Variants in ADGRL3 observed in about 807,000 individuals in gnomAD.
ADGRL3 encodes the protein calcium-independent alpha-latrotoxin receptor 3.
In ADGRL3, 62 loss-of-function variants were observed where a neutral mutation model predicts 153.5. The observed-to-expected ratio is 0.40, with a 90% confidence interval of 0.33 to 0.50. ADGRL3 has a LOEUF of 0.50. Ranked by LOEUF, ADGRL3 falls within the 20% of genes least tolerant of loss-of-function variation. ADGRL3 has a pLI of 0.47. For synonymous variants in ADGRL3, 710 were observed against 672.5 expected (o/e 1.06, Z -0.86); for missense variants, 1,641 against 1,859.4 (o/e 0.88, Z 2.16).
At chr4:61,765,353 G>A (rs1417240881) in intron 8 of ADGRL3, among the ~76,000 whole-genome samples, 4 of 152,114 alleles carry the variant, frequency 2.6e-5, no homozygotes, top group African/African-American at 9.7e-5. Context: ...GAGCTTAAAT[G>A]GGCTGTACCC....
At chr4:61,898,743 T>A (rs980878813) in intron 11 of ADGRL3, among the ~76,000 whole-genome samples, 1 of 151,930 alleles carries the variant, frequency 6.6e-6, no homozygotes. Flanking sequence ...CTCAGCTTCC[T>A]GAAGCTGGGA....
chr4:61,315,547 C>T (rs926291625), intron 1 of ADGRL3, among the ~76,000 whole-genome samples: 8 of 152,070 alleles, frequency 5.3e-5, no homozygotes, highest in Admixed American at 2.6e-4. Context: ...GTATAGCTCA[C>T]GTGATCCTGG....
intron 5 of ADGRL3, among the ~76,000 whole-genome samples, chr4:61,655,320 A>G (rs945584032): frequency 2.4e-4 from 36 of 152,192 alleles, no homozygotes; most frequent in Admixed American, 3.9e-4. Context: ...TAACGGATAC[A>G]AGCCTGCCTC....
At chr4:62,051,336 G>A (rs1317909001) in intron 25 of ADGRL3, among the ~76,000 whole-genome samples, 1 of 151,408 alleles carries the variant, frequency 6.6e-6, no homozygotes, top group Non-Finnish European at 1.5e-5. Flanking sequence ...GAGATGCTGA[G>A]TCAGATAATT....
chr4:61,470,704 G>A (rs1280447526), intron 2 of ADGRL3, among the ~76,000 whole-genome samples: 1 of 151,708 alleles, frequency 6.6e-6, no homozygotes, highest in Admixed American at 6.6e-5. Context: ...CTGTGCTATG[G>A]TACAATTAAG....
At position 61,512,262 on chromosome 4, in the gene ADGRL3, C is replaced by T. The variant is rs545688043; in HGVS notation, c.56-5053C>T. Among the ~76,000 whole-genome samples the T allele has an allele frequency of 5.9e-5, 9 of 152,240 alleles. No homozygotes were observed. In the East Asian group the frequency reaches 1.7e-3, roughly 29 times the overall value. On this transcript the variant is annotated intron_variant, in intron 3 of 26. Coordinates refer to ENST00000683033, the MANE Select transcript of ADGRL3 (RefSeq NM_001387552.1). ...AGCTAAAGAGTTTTGTACATAATAGCTCAGTGAATACTCATAACAATCCAA... is the reference window on the plus strand; with the variant it reads ...AGCTAAAGAGTTTTGTACATAATAGTTCAGTGAATACTCATAACAATCCAA...
At chr4:61,523,620 T>C (rs1404856690) in intron 4 of ADGRL3, among the ~76,000 whole-genome samples, 1 of 152,144 alleles carries the variant, frequency 6.6e-6, no homozygotes, top group South Asian at 2.1e-4. Flanking sequence ...GGGAAATAGG[T>C]CAGTTATTGA....
chr4:61,610,156 T>C (rs1231690653), intron 5 of ADGRL3, among the ~76,000 whole-genome samples: 1 of 151,344 alleles, frequency 6.6e-6, no homozygotes, highest in African/African-American at 2.4e-5. Flanking sequence ...TATATATATA[T>C]ACTTCTTATA....
intron 8 of ADGRL3, chr4:61,775,538 C>T: frequency 1.3e-6 from 1 of 784,368 alleles, no homozygotes; most frequent in Non-Finnish European, 2.3e-6. Context: ...CTGCAACCAA[C>T]CACTTTATGA....
intron 1 of ADGRL3, among the ~76,000 whole-genome samples, chr4:61,371,187 T>C (rs918462849): frequency 6.6e-6 from 1 of 151,512 alleles, no homozygotes; most frequent in African/African-American, 2.4e-5. Context: ...TTTATCCAAT[T>C]TGCCAGTCTG....
intron 8 of ADGRL3, among the ~76,000 whole-genome samples, chr4:61,752,988 C>G (rs1438492272): frequency 1.3e-5 from 2 of 152,004 alleles, no homozygotes; most frequent in Non-Finnish European, 2.9e-5. Flanking sequence ...GTATTGTGTA[C>G]TGAACCTATT....
intron 1 of ADGRL3, among the ~76,000 whole-genome samples, chr4:61,264,702 G>C (rs957009836): frequency 3.3e-5 from 5 of 151,986 alleles, no homozygotes; most frequent in African/African-American, 1.2e-4. Context: ...TAATAAAGTA[G>C]AGAATTGTCA....
chr4:61,991,577 G>C (rs1261815379), intron 19 of ADGRL3, among the ~76,000 whole-genome samples: 2 of 152,028 alleles, frequency 1.3e-5, no homozygotes, highest in East Asian at 3.9e-4. Context: ...ATCCAAAACT[G>C]TAGCAGAACC....
At chr4:62,059,551 G>A (rs1274261017) in intron 25 of ADGRL3, among the ~76,000 whole-genome samples, 1 of 152,084 alleles carries the variant, frequency 6.6e-6, no homozygotes. Context: ...ACGGTAAGGA[G>A]GGACATGCAT....
chr4:61,504,501 G>A (rs2098414332), intron 3 of ADGRL3, among the ~76,000 whole-genome samples: 1 of 152,002 alleles, frequency 6.6e-6, no homozygotes. Flanking sequence ...ATATGTGTTA[G>A]GAATATTACA....
intron 1 of ADGRL3, among the ~76,000 whole-genome samples, chr4:61,298,076 T>C (rs2094469510): frequency 6.6e-6 from 1 of 152,192 alleles, no homozygotes; most frequent in African/African-American, 2.4e-5. Context: ...AACTAGCATA[T>C]ATAACATTCA....
At chr4:61,625,239 C>G (rs1381055910) in intron 5 of ADGRL3, among the ~76,000 whole-genome samples, 1 of 151,876 alleles carries the variant, frequency 6.6e-6, no homozygotes, top group Non-Finnish European at 1.5e-5. Context: ...AGTGAACAAA[C>G]TAGATAAAGT....
chr4:61,473,210 TG>T lies in ADGRL3; in HGVS notation c.-173-23910del, dbSNP rs2097989710. Among the ~76,000 whole-genome samples the T allele has an allele frequency of 7.5e-3, 4 of 532 alleles. No individual in the cohort carries two copies. The Admixed American group carries it at 0.11, about 14-fold the overall frequency. The allele number at this position is 532 out of a possible 152,430, so 0.3% of individuals were successfully genotyped here. ...AAAAAAACACCTATTTGTATGTGTT[TG>T]TGTGTGTGTGTGTGTGTGTGTGTGT... On this transcript the variant is annotated intron_variant, in intron 2 of 26. Transcript: ENST00000683033.
intron 2 of ADGRL3, among the ~76,000 whole-genome samples, chr4:61,411,419 G>A (rs994691781): frequency 6.6e-6 from 1 of 152,098 alleles, no homozygotes; most frequent in Admixed American, 6.5e-5. Context: ...ATCATATCAG[G>A]AGGCAAGTGA....
Sources: allele counts gnomAD v4.1 joint callset (sites outside exome capture counted in the v4.1 genomes callset), GRCh38; gene constraint gnomAD v4.1.1; transcripts MANE v1.5; gene names NCBI Gene and HGNC (gene_info 2026-07-23, HGNC 2026-07-21).